Variants in RPS6KA3 observed in about 807,000 individuals in gnomAD.
The protein encoded by RPS6KA3 is ribosomal protein S6 kinase A3.
Under a neutral mutation model 67.2 loss-of-function variants are expected in RPS6KA3, and 4 were observed. The observed-to-expected ratio is 0.06, with a 90% CI of 0.03 to 0.14. The LOEUF (loss-of-function observed/expected upper bound fraction) is 0.14. Among genes scored for constraint, RPS6KA3 ranks in the 10% least tolerant of loss-of-function variants. The probability of loss-of-function intolerance (pLI) is 1.00; values close to 1 mark genes in which losing one functional copy is unlikely to be tolerated. For synonymous variants in RPS6KA3, 182 were observed against 183.7 expected (o/e 0.99, Z 0.07); for missense variants, 204 against 559.0 (o/e 0.36, Z 6.40).
In RPS6KA3 at chrX:20,186,326, T is replaced by G. The variant is rs746443280; in HGVS notation, c.815A>C (p.Asp272Ala). ...AATCATAGTCATTGTTTCTTTTCGATCTTTTCCTTGGAAAGGGAGTGTACC... is the reference window on the plus strand; with the variant it reads ...AATCATAGTCATTGTTTCTTTTCGAGCTTTTCCTTGGAAAGGGAGTGTACC... ...LTGTLPFQGKDRKETMTMILK... is the reference protein window; with the variant it reads ...LTGTLPFQGKARKETMTMILK... Residue 272 changes from aspartate (D) to alanine (A), a missense_variant, in exon 10 of 22, where the codon GAT (aspartate) becomes GCT (alanine). Coordinates refer to ENST00000379565, the MANE Select transcript of RPS6KA3 (RefSeq NM_004586.3). 1 of 1,186,647 alleles carries G rather than the reference T, an allele frequency of 8.4e-7. No individual in the cohort carries two copies. The highest frequency in any genetic ancestry group is 1.1e-6 in the Non-Finnish European group (1 of 873,467).
intron 4 of RPS6KA3, among the ~76,000 whole-genome samples, chrX:20,197,338 C>T (rs1046094581): frequency 8.0e-5 from 9 of 112,536 alleles, no homozygotes; most frequent in African/African-American, 2.9e-4. Flanking sequence ...AAAAATACCT[C>T]GTCTGCTCAG....
At position 20,155,301 on chromosome X, in the gene RPS6KA3, T is replaced by A; in HGVS notation, c.*97A>T. 1 of 955,756 alleles carries A rather than the reference T, an allele frequency of 1.0e-6. No homozygotes were observed. The highest frequency in any genetic ancestry group is 1.5e-6 in the Non-Finnish European group (1 of 663,021). The allele number at this position is 955,756 out of a possible 1,213,427, so 78.8% of individuals were successfully genotyped here. On this transcript the variant is annotated 3_prime_UTR_variant, in exon 22 of 22. Transcript: ENST00000379565. ...GCATTATGGGTACCAGCTGGGACAG[T>A]GTGTGCTTGCAGGTGTCTCTCAGAT...
chrX:20,249,825 T>A (rs1206588140), intron 1 of RPS6KA3, among the ~76,000 whole-genome samples: 1 of 112,597 alleles, frequency 8.9e-6, no homozygotes, highest in African/African-American at 3.2e-5. Context: ...CAGGTTTAAA[T>A]GCTTCATTTA....
intron 7 of RPS6KA3, among the ~76,000 whole-genome samples, chrX:20,189,208 A>G (rs2068063661): frequency 9.0e-6 from 1 of 110,908 alleles, no homozygotes; most frequent in Admixed American, 9.6e-5. Flanking sequence ...TCCCTTCACT[A>G]TACATATTCT....
chrX:20,184,840 T>C (rs2067938458), intron 10 of RPS6KA3, among the ~76,000 whole-genome samples: 1 of 112,396 alleles, frequency 8.9e-6, no homozygotes, highest in Admixed American at 9.5e-5. Context: ...TTTCTTTAAA[T>C]AAAATTTTCT....
At chrX:20,186,685 T>C (rs1055740907) in intron 9 of RPS6KA3, among the ~76,000 whole-genome samples, 7 of 110,547 alleles carry the variant, frequency 6.3e-5, no homozygotes, top group African/African-American at 2.3e-4. Context: ...TTCCATCTCC[T>C]GGGCTCAAGC....
chrX:20,178,222 C>G (rs2067746963), intron 10 of RPS6KA3, among the ~76,000 whole-genome samples: 1 of 110,498 alleles, frequency 9.0e-6, no homozygotes, highest in Non-Finnish European at 1.9e-5. Flanking sequence ...GACAAGGGAA[C>G]AGTAGGGGAT....
At chrX:20,168,635 A>G (rs1410320167) in intron 16 of RPS6KA3, among the ~76,000 whole-genome samples, 1 of 111,654 alleles carries the variant, frequency 9.0e-6, no homozygotes, top group Non-Finnish European at 1.9e-5. Context: ...AATATTGAAT[A>G]TGAACTAATA....
intron 2 of RPS6KA3, among the ~76,000 whole-genome samples, chrX:20,221,450 T>A (rs1456466607): frequency 1.8e-5 from 2 of 112,091 alleles, no homozygotes; most frequent in African/African-American, 3.2e-5. Context: ...GGAAAAAATT[T>A]AAAAAAATCA....
At chrX:20,189,532 C>G (rs188490089) in intron 7 of RPS6KA3, among the ~76,000 whole-genome samples, 1 of 111,978 alleles carries the variant, frequency 8.9e-6, no homozygotes, top group Non-Finnish European at 1.9e-5. Context: ...TGAGCAGATA[C>G]TTGAGTGGAG....
chrX:20,200,728 C>T (rs1214126808), intron 4 of RPS6KA3, among the ~76,000 whole-genome samples: 1 of 111,477 alleles, frequency 9.0e-6, no homozygotes, highest in Non-Finnish European at 1.9e-5. Context: ...TCTCCCTCTA[C>T]CCAGGGTGGA....
At chrX:20,259,897 A>G (rs953048027) in intron 1 of RPS6KA3, among the ~76,000 whole-genome samples, 4 of 111,418 alleles carry the variant, frequency 3.6e-5, no homozygotes, top group African/African-American at 1.3e-4. Context: ...ACCTTTTAAC[A>G]TCATATCTCC....
chrX:20,239,310 G>A (rs983046534), intron 1 of RPS6KA3, among the ~76,000 whole-genome samples: 5 of 110,987 alleles, frequency 4.5e-5, no homozygotes, highest in African/African-American at 1.6e-4. Context: ...ATTTCTATAG[G>A]TAACTTCTAA....
At chrX:20,257,651 T>C (rs982957815) in intron 1 of RPS6KA3, among the ~76,000 whole-genome samples, 1 of 112,300 alleles carries the variant, frequency 8.9e-6, no homozygotes, top group African/African-American at 3.2e-5. Flanking sequence ...TTTTCCGTTT[T>C]AACTAGCACA....
chrX:20,224,889 A>G (rs773947129), intron 2 of RPS6KA3, among the ~76,000 whole-genome samples: 6 of 111,612 alleles, frequency 5.4e-5, no homozygotes, highest in Non-Finnish European at 9.4e-5. Flanking sequence ...AAGTTACAAT[A>G]TACCCTAGGT....
chrX:20,232,115 G>A (rs2069281458), intron 2 of RPS6KA3, among the ~76,000 whole-genome samples: 1 of 111,605 alleles, frequency 9.0e-6, no homozygotes. Context: ...CTCATACCAG[G>A]TACTAAATTC....
intron 1 of RPS6KA3, among the ~76,000 whole-genome samples, chrX:20,246,529 C>T (rs528755016): frequency 9.0e-6 from 1 of 111,435 alleles, no homozygotes; most frequent in South Asian, 3.8e-4. Flanking sequence ...GTCCTACAAA[C>T]AAGTTAAATG....
At chrX:20,175,073 C>T in intron 14 of RPS6KA3, 91 bp downstream of exon 14, 1 of 902,051 alleles carries the variant, frequency 1.1e-6, no homozygotes, top group Non-Finnish European at 1.6e-6. Flanking sequence ...TTTTAAATTG[C>T]TCACTTGAAG....
intron 3 of RPS6KA3, among the ~76,000 whole-genome samples, 193 bp from the exon 4 acceptor site, chrX:20,204,296 G>A (rs2068518251): frequency 9.0e-6 from 1 of 111,268 alleles, no homozygotes; most frequent in South Asian, 3.7e-4. Context: ...TCAATATAAG[G>A]GAATACATTT....
Sources: gnomAD v4.1 joint callset for allele counts (sites outside exome capture counted in the v4.1 genomes callset) on GRCh38, gnomAD v4.1.1 for gene constraint, MANE v1.5 for transcripts, NCBI Gene and HGNC (gene_info 2026-07-23, HGNC 2026-07-21) for gene names.